The following SUSD5 variants were observed in gnomAD, a reference collection of about 807,000 sequenced individuals.
SUSD5 encodes sushi domain-containing protein 5.
SUSD5 carries 33 observed loss-of-function variants against 29.5 expected under a neutral mutation model. The ratio of observed to expected loss-of-function variants is 1.12; its 90% CI spans 0.85 to 1.49. The LOEUF (loss-of-function observed/expected upper bound fraction) is 1.49. Ranked by LOEUF, SUSD5 falls within the 40% of genes most tolerant of loss-of-function variation. The pLI, the probability that SUSD5 is intolerant of heterozygous loss-of-function variation, is 0.00. For missense variants in SUSD5, 776 were observed against 800.6 expected (o/e 0.97, Z 0.37); for synonymous variants, 308 against 325.3 (o/e 0.95, Z 0.57).
chr3:33,154,121 G>T (rs1462727362), intron 4 of SUSD5, 88 bp from the exon 5 acceptor site: 5 of 1,098,966 alleles, frequency 4.5e-6, no homozygotes, highest in Non-Finnish European at 6.3e-6. Context: ...AAGCATAAAG[G>T]CTGGGACAGA....
At chr3:33,164,549 A>C (rs1379115972) in intron 4 of SUSD5, among the ~76,000 whole-genome samples, 27 of 152,202 alleles carry the variant, frequency 1.8e-4, no homozygotes, top group Admixed American at 1.7e-3. Flanking sequence ...ACTACATTAA[A>C]ATTCTATTTA....
chr3:33,195,084 A>T (rs1448809654), intron 3 of SUSD5, among the ~76,000 whole-genome samples: 1 of 152,076 alleles, frequency 6.6e-6, no homozygotes, highest in Non-Finnish European at 1.5e-5. Context: ...AGTCCCAGCT[A>T]CTCGGGAGGC....
intron 3 of SUSD5, among the ~76,000 whole-genome samples, chr3:33,184,722 T>C (rs2125624308): frequency 6.6e-6 from 1 of 152,356 alleles, no homozygotes; most frequent in East Asian, 1.9e-4. Flanking sequence ...CCTATTTCTG[T>C]TACAGTGCTC....
chr3:33,162,789 C>T (rs1446554573), intron 4 of SUSD5, among the ~76,000 whole-genome samples: 2 of 151,926 alleles, frequency 1.3e-5, no homozygotes, highest in South Asian at 4.1e-4. Context: ...CCTATCTCTA[C>T]TAAAAATACA....
At chr3:33,206,658 T>C (rs1412856444) in intron 3 of SUSD5, among the ~76,000 whole-genome samples, 3 of 152,052 alleles carry the variant, frequency 2.0e-5, no homozygotes, top group Non-Finnish European at 4.4e-5. Context: ...GACTCTTACT[T>C]TTACCAACTC....
At chr3:33,177,818 T>A (rs1351757719) in intron 3 of SUSD5, among the ~76,000 whole-genome samples, 1 of 152,264 alleles carries the variant, frequency 6.6e-6, no homozygotes, top group Non-Finnish European at 1.5e-5. Context: ...CTGGGATACA[T>A]GTGCAGAACG....
At chr3:33,154,733 T>G (rs972412656) in intron 4 of SUSD5, among the ~76,000 whole-genome samples, 2 of 152,120 alleles carry the variant, frequency 1.3e-5, no homozygotes, top group Non-Finnish European at 2.9e-5. Flanking sequence ...GTTCAAGACT[T>G]CTACATGGAA....
chr3:33,162,170 T>A (rs925547628), intron 4 of SUSD5, among the ~76,000 whole-genome samples: 2 of 152,206 alleles, frequency 1.3e-5, no homozygotes, highest in African/African-American at 4.8e-5. Context: ...TTCCCCTATG[T>A]ATAGAAATTA....
At chr3:33,193,258 C>G (rs568959791) in intron 3 of SUSD5, among the ~76,000 whole-genome samples, 1 of 152,288 alleles carries the variant, frequency 6.6e-6, no homozygotes, top group Non-Finnish European at 1.5e-5. Flanking sequence ...ATAGAAACAA[C>G]ACTATTTGCA....
chr3:33,187,471 C>T (rs916363561), intron 3 of SUSD5, among the ~76,000 whole-genome samples: 3 of 152,158 alleles, frequency 2.0e-5, no homozygotes, highest in South Asian at 2.1e-4. Context: ...CAGTGCTATG[C>T]GTTAACACAA....
Position 33,195,852 on chromosome 3 carries a change from T to C in SUSD5, c.409+11956A>G, listed in dbSNP as rs1023024371. Among the ~76,000 whole-genome samples the C allele has an allele frequency of 2.0e-5, 3 of 152,118 alleles. No individual in the cohort carries two copies. In the East Asian group the frequency reaches 5.8e-4, roughly 29 times the overall value. The stretch of plus-strand genomic sequence containing the variant: ...CAAAAGACTCATGCTAAAATACTTG[T>C]ATTAGGGAAGACTGATTATGAGAGA... On this transcript the variant is annotated intron_variant, in intron 3 of 4. Transcript: ENST00000309558.
At chr3:33,161,952 T>C (rs569166518) in intron 4 of SUSD5, among the ~76,000 whole-genome samples, 1 of 152,276 alleles carries the variant, frequency 6.6e-6, no homozygotes, top group South Asian at 2.1e-4. Context: ...AGAATATAGA[T>C]TTGAACAACA....
chr3:33,186,321 A>G (rs1408511336), intron 3 of SUSD5, among the ~76,000 whole-genome samples: 2 of 151,968 alleles, frequency 1.3e-5, no homozygotes, highest in African/African-American at 4.8e-5. Flanking sequence ...AAAAAAGAAG[A>G]TAGACTGAGA....
At chr3:33,169,331 C>T (rs1421504873) in intron 4 of SUSD5, among the ~76,000 whole-genome samples, 1 of 152,162 alleles carries the variant, frequency 6.6e-6, no homozygotes, top group African/African-American at 2.4e-5. Context: ...AGTGATTCTT[C>T]TGCCTCAGCC....
chr3:33,205,147 T>C (rs1022689338), intron 3 of SUSD5, among the ~76,000 whole-genome samples: 2 of 152,188 alleles, frequency 1.3e-5, no homozygotes, highest in African/African-American at 4.8e-5. Context: ...GGATATTCTC[T>C]TACATAACTG....
chr3:33,192,055 G>A (rs1000128632), intron 3 of SUSD5, among the ~76,000 whole-genome samples: 1 of 151,436 alleles, frequency 6.6e-6, no homozygotes, highest in Non-Finnish European at 1.5e-5. Context: ...GGCTGAAAAA[G>A]TGATTTCTTA....
intron 3 of SUSD5, among the ~76,000 whole-genome samples, chr3:33,200,162 C>G (rs1559455060): frequency 6.6e-6 from 1 of 152,194 alleles, no homozygotes; most frequent in African/African-American, 2.4e-5. Context: ...AACTGCCTCA[C>G]CCCGTCTACC....
intron 4 of SUSD5, among the ~76,000 whole-genome samples, chr3:33,173,923 G>C (rs2031489975): frequency 6.6e-6 from 1 of 152,180 alleles, no homozygotes; most frequent in South Asian, 2.1e-4. Context: ...GGCCAGGCCT[G>C]GCTGTGGCTG....
chr3:33,168,735 C>T (rs1467618824), intron 4 of SUSD5: 5 of 259,342 alleles, frequency 1.9e-5, no homozygotes, highest in South Asian at 1.5e-4. Context: ...CTGTATCCTC[C>T]GCCTCCTGGG....
Sources: gnomAD v4.1 joint callset for allele counts (sites outside exome capture counted in the v4.1 genomes callset) on GRCh38, gnomAD v4.1.1 for gene constraint, MANE v1.5 for transcripts, NCBI Gene and HGNC (gene_info 2026-07-23, HGNC 2026-07-21) for gene names.